Variants in SEMA4C observed in about 807,000 individuals in gnomAD.
SEMA4C encodes semaphorin 4C.
SEMA4C carries 19 observed loss-of-function variants against 89.0 expected under a neutral mutation model. The observed-to-expected ratio is 0.21, with a 90% CI of 0.15 to 0.31. The LOEUF (loss-of-function observed/expected upper bound fraction) is 0.31. Among genes scored for constraint, SEMA4C ranks in the 10% least tolerant of loss-of-function variants. The pLI is 1.00. For missense variants in SEMA4C, 811 were observed against 1,107.0 expected (o/e 0.73, Z 3.79); for synonymous variants, 428 against 472.7 (o/e 0.91, Z 1.23).
chr2:96,861,517 G>A lies in SEMA4C; in HGVS notation c.1672+62C>T. 1 of 1,608,810 alleles carries A rather than the reference G, an allele frequency of 6.2e-7. No homozygotes were observed. Among genetic ancestry groups the A allele is most frequent in the Non-Finnish European group, 8.5e-7 (1 of 1,175,734 alleles). On this transcript the variant is annotated intron_variant, in intron 14 of 14. Transcript: ENST00000305476. This position sits in a 1 kb window ranked among gnomAD's most constrained non-coding sequence, Gnocchi z 7.8. The stretch of plus-strand genomic sequence containing the variant: ...AGGAAAGCAGGGCTGGGGAAGAGGA[G>A]AACAGAAACTCCAGCTCTGGTCCAG...
rs2079953502 is a variant in SEMA4C, at chr2:96,861,877, G to A, written c.1461C>T (p.Gly487=). 6.2e-7 allele frequency: 1 copy of A among 1,611,438 alleles called. No individual in the cohort carries two copies. The highest frequency in any genetic ancestry group is 2.2e-5 in the East Asian group (1 of 44,840). ...GCAGCTGCACCAGCTGAGAGCGGGA[G>A]CCGGCAAAGAGCAGCTTCTGCGAGA... The part of the protein sequence containing the change: ...LSQSKKLLFA[G]SRSQLVQLPV... Residue 487 remains glycine, a synonymous_variant, in exon 13 of 15, where the codon GGC becomes GGT. Coordinates refer to ENST00000305476, the MANE Select transcript of SEMA4C (RefSeq NM_017789.5). This position sits in a 1 kb window ranked among gnomAD's most constrained non-coding sequence, Gnocchi z 7.8.
Position 96,864,006 on chromosome 2 carries a change from C to T in SEMA4C, c.1250G>A (p.Gly417Asp). 6.2e-7 allele frequency: 1 copy of T among 1,613,560 alleles called. No homozygotes were observed. Among genetic ancestry groups the T allele is most frequent in the Non-Finnish European group, 8.5e-7 (1 of 1,179,996 alleles). Residue 417 changes from glycine (G) to aspartate (D), a missense_variant, in exon 11 of 15, where the codon GGC (glycine) becomes GAC (aspartate). Physicochemically the swap from Gly to Asp is moderately conservative, Grantham distance 94 (BLOSUM62 -1). This residue lies in a region of SEMA4C where 441 missense variants were observed against 664.9 expected (regional missense o/e 0.66). Transcript: ENST00000305476. This position sits in a 1 kb window ranked among gnomAD's most constrained non-coding sequence, Gnocchi z 6.3. ...RWSRPLLVKK[G>D]TNFTHLVADR... ...GGCCACCAGGTGGGTGAAGTTGGTG[C>T]CCTTCTTCACGAGCAGGGGGCGGCT...
Position 96,861,924 on chromosome 2 carries a change from G to T in SEMA4C, c.1444-30C>A. On this transcript the variant is annotated intron_variant, in intron 12 of 14. Transcript: ENST00000305476. This position sits in a 1 kb window ranked among gnomAD's most constrained non-coding sequence, Gnocchi z 7.8. ...GAGAAAAGCGGGGCGCAGGAGGGGG[G>T]TCGGCCAGGGCCACACCACGGGAGG... The T allele has an allele frequency of 6.3e-7, 1 of 1,578,392 alleles. No individual in the cohort carries two copies. Among genetic ancestry groups the T allele is most frequent in the Non-Finnish European group, 8.6e-7 (1 of 1,163,194 alleles).
chr2:96,870,313 A>G (rs1038664722), upstream of SEMA4C: 4 of 985,194 alleles, frequency 4.1e-6, no homozygotes, highest in African/African-American at 3.5e-5. Flanking sequence ...GCTGCGCCAC[A>G]GCGCCTGGAG....
At position 96,864,997 on chromosome 2, in the gene SEMA4C, C is replaced by T. The variant is rs756069362; in HGVS notation, c.753G>A (p.Glu251=). The T allele has an allele frequency of 7.0e-6, 11 of 1,565,942 alleles. No homozygotes were observed. The highest frequency in any genetic ancestry group is 1.7e-4 in the Middle Eastern group (1 of 6,030). Residue 251 remains glutamate (E), a synonymous_variant, in exon 8 of 15, where the codon GAG becomes GAA. Transcript: ENST00000305476. This position sits in a 1 kb window ranked among gnomAD's most constrained non-coding sequence, Gnocchi z 6.3. ...ERAVESDCYA[E]QVVARVARVC... ...CACGGGCCACACGAGCCACCACCTG[C>T]TCGGCATAGCAGTCGGACTCCACTG... is the stretch of plus-strand genomic sequence containing the variant.
At chr2:96,870,749 T>C, upstream of SEMA4C, 1 of 985,494 alleles carries the variant, frequency 1.0e-6, no homozygotes, top group South Asian at 4.7e-5. Flanking sequence ...ACAAGTGGCA[T>C]GAGCCCTACT....
chr2:96,868,251 A>G (rs1476402326), intron 1 of SEMA4C, among the ~76,000 whole-genome samples: 1 of 152,018 alleles, frequency 6.6e-6, no homozygotes, highest in East Asian at 1.9e-4. Context: ...CAACATACAC[A>G]CTCAGGCCTA....
At chr2:96,863,630 A>T in intron 12 of SEMA4C, 52 bp downstream of exon 12, 1 of 1,525,412 alleles carries the variant, frequency 6.6e-7, no homozygotes, top group Admixed American at 1.7e-5. Flanking sequence ...AGATGGAGAG[A>T]GTGAGATGGG....
At chr2:96,870,174 G>C, upstream of SEMA4C, 1 of 984,138 alleles carries the variant, frequency 1.0e-6, no homozygotes, top group East Asian at 1.1e-4. Context: ...TCGCTCAGGA[G>C]GGGGCTGCGA....
chr2:96,868,944 G>T (rs2080144821), intron 1 of SEMA4C: 1 of 985,314 alleles, frequency 1.0e-6, no homozygotes, highest in Admixed American at 6.1e-5. Context: ...CGGAGACGCA[G>T]AAGCTGGGGA....
In SEMA4C at chr2:96,865,917, C is replaced by A; in HGVS notation, c.271G>T (p.Ala91Ser). 6.2e-7 allele frequency: 1 copy of A among 1,614,010 alleles called. No homozygotes were observed. Among genetic ancestry groups the A allele is most frequent in the Non-Finnish European group, 8.5e-7 (1 of 1,179,996 alleles). The change falls in exon 4 of 15, where the codon GCC becomes TCC. Residue 91 changes from alanine to serine, a missense_variant. By Grantham distance (99) the Ala-to-Ser change is moderately conservative (BLOSUM62 1). This residue lies in a region of SEMA4C where 119 missense variants were observed against 152.7 expected (regional missense o/e 0.78). Coordinates refer to ENST00000305476, the MANE Select transcript of SEMA4C (RefSeq NM_017789.5). ...CACTCAGTCTTCTTCTCCACGGGGG[C>A]CTCCCAGGAGATCTGGGGAAAGGGA... ...LELQGAISWE[A>S]PVEKKTECIQ...
At chr2:96,862,681 T>C (rs1334167176) in intron 12 of SEMA4C, 1 of 152,054 alleles carries the variant, frequency 6.6e-6, no homozygotes, top group African/African-American at 2.4e-5. Context: ...GCTAACACGG[T>C]GAAACCCCGT....
At chr2:96,870,364 G>T, upstream of SEMA4C, 1 of 961,742 alleles carries the variant, frequency 1.0e-6, no homozygotes, top group Non-Finnish European at 1.2e-6. Flanking sequence ...TGGCCACGGG[G>T]GAATCACACT....
chr2:96,864,509 C>T lies in SEMA4C; in HGVS notation c.963-127G>A, dbSNP rs2080024670. On this transcript the variant is annotated intron_variant, in intron 9 of 14. Coordinates refer to ENST00000305476, the MANE Select transcript of SEMA4C (RefSeq NM_017789.5). This position sits in a 1 kb window ranked among gnomAD's most constrained non-coding sequence, Gnocchi z 6.3. ...CATGGGTACCAGAATGCCCTGGCAG[C>T]TCAAGTGCCACCTGGCATGGGGCCC... is the stretch of plus-strand genomic sequence containing the variant. The T allele has an allele frequency of 2.1e-6, 3 of 1,440,024 alleles. No homozygotes were observed. The highest frequency in any genetic ancestry group is 1.9e-6 in the Non-Finnish European group (2 of 1,058,400). 89.2% of individuals were successfully genotyped at this position (1,440,024 alleles called of 1,614,324 possible). A position where few individuals can be genotyped will look rare whatever the true frequency, so the allele number is the denominator to read the frequency against.
intron 1 of SEMA4C, chr2:96,868,527 T>G (rs1328715806): frequency 2.0e-6 from 2 of 985,016 alleles, no homozygotes; most frequent in South Asian, 4.7e-5. Context: ...AGGGCAGGAG[T>G]GTGAGAAGGG....
In SEMA4C at chr2:96,863,711, T is replaced by C; in HGVS notation, c.1414A>G (p.Met472Val). 1 of 1,614,048 alleles carries C rather than the reference T, an allele frequency of 6.2e-7. No individual in the cohort carries two copies. The change falls in exon 12 of 15, where the codon ATG (methionine) becomes GTG (valine). Residue 472 changes from methionine to valine, a missense_variant. Transcript: ENST00000305476. ...CTCTGAGATAGCACCAGGCTTCTCA[T>C]GGGCTCCTGGTCAAACAGCTGCAGC... ...EELQLFDQEP[M>V]RSLVLSQSKK...
chr2:96,868,067 T>G (rs1162956555), intron 1 of SEMA4C, 144 bp from the exon 2 acceptor site: 1 of 1,166,262 alleles, frequency 8.6e-7, no homozygotes, highest in Non-Finnish European at 1.2e-6. Context: ...GAGGTGGACC[T>G]AAGTCCCCAC....
chr2:96,870,449 G>T (rs2153366316), upstream of SEMA4C: 1 of 918,016 alleles, frequency 1.1e-6, no homozygotes, highest in Non-Finnish European at 1.3e-6. Flanking sequence ...CGACCGTGCA[G>T]TTGCAGGAAC....
At position 96,866,439 on chromosome 2, in the gene SEMA4C, G is replaced by T; in HGVS notation, c.110-8C>A. The stretch of plus-strand genomic sequence containing the variant: ...GTACTACCGTGGCCAGCTCTGCAGG[G>T]GTAAGCATGGCTGCTGATGGGCAGG... On this transcript the variant is annotated splice_polypyrimidine_tract_variant and splice_region_variant and intron_variant, in intron 2 of 14. Coordinates refer to ENST00000305476, the MANE Select transcript of SEMA4C (RefSeq NM_017789.5). 6.2e-7 allele frequency: 1 copy of T among 1,613,922 alleles called. No individual in the cohort carries two copies. Among genetic ancestry groups the T allele is most frequent in the South Asian group, 1.1e-5 (1 of 91,088 alleles).
Sources: allele counts gnomAD v4.1 joint callset (sites outside exome capture counted in the v4.1 genomes callset), GRCh38; gene constraint gnomAD v4.1.1; regional missense constraint gnomAD v4.1.1; non-coding constraint Gnocchi (gnomAD v3.1); transcripts MANE v1.5; gene names NCBI Gene and HGNC (gene_info 2026-07-23, HGNC 2026-07-21).